Variants in CECR2 observed in about 807,000 individuals in gnomAD.
The protein encoded by CECR2 is chromatin remodeling regulator CECR2.
In CECR2, 30 loss-of-function variants were observed where a neutral mutation model predicts 154.5. That is an observed-to-expected ratio of 0.19 (90% CI 0.15 to 0.26). The LOEUF (loss-of-function observed/expected upper bound fraction) is 0.26. Among genes scored for constraint, CECR2 ranks in the 10% least tolerant of loss-of-function variants. CECR2 has a pLI of 1.00. For synonymous variants in CECR2, 725 were observed against 683.7 expected, an observed-to-expected ratio of 1.06 and a Z score of -0.94; for missense variants, 1,743 against 1,829.3, an observed-to-expected ratio of 0.95 and a Z score of 0.86.
chr22:17,367,914 C>T (rs2063011198), upstream of CECR2, among the ~76,000 whole-genome samples: 1 of 152,002 alleles, frequency 6.6e-6, no homozygotes, highest in Non-Finnish European at 1.5e-5. Context: ...CTCATTTTTG[C>T]CAAACATTAA....
intron 1 of CECR2, among the ~76,000 whole-genome samples, chr22:17,404,900 G>T (rs950274891): frequency 6.6e-6 from 1 of 152,118 alleles, no homozygotes; most frequent in Non-Finnish European, 1.5e-5. Context: ...ATTTAGATTG[G>T]AGTTGTATTG....
At chr22:17,507,226 A>G (rs2055863458) in intron 7 of CECR2, among the ~76,000 whole-genome samples, 2 of 152,294 alleles carry the variant, frequency 1.3e-5, no homozygotes, top group Non-Finnish European at 2.9e-5. Context: ...CCTAGAAATT[A>G]CCTTTCTCTA....
intron 16 of CECR2, among the ~76,000 whole-genome samples, chr22:17,547,728 A>G (rs934465710): frequency 1.3e-5 from 2 of 152,280 alleles, no homozygotes; most frequent in African/African-American, 4.8e-5. Flanking sequence ...AGCGCCCGTC[A>G]TGCCCTGTTC....
chr22:17,450,634 A>G (rs2054753470), intron 1 of CECR2, among the ~76,000 whole-genome samples: 1 of 152,224 alleles, frequency 6.6e-6, no homozygotes, highest in Non-Finnish European at 1.5e-5. Context: ...TTCCACAAAT[A>G]ATGTGTGCGT....
intron 2 of CECR2, among the ~76,000 whole-genome samples, chr22:17,489,567 G>A (rs975650888): frequency 2.6e-5 from 4 of 152,036 alleles, no homozygotes; most frequent in Admixed American, 6.6e-5. Flanking sequence ...ACAGTCCTCC[G>A]GCTTCAGCCT....
intron 16 of CECR2, among the ~76,000 whole-genome samples, chr22:17,546,460 T>C (rs1200351468): frequency 7.9e-6 from 1 of 127,150 alleles, no homozygotes; most frequent in Admixed American, 9.5e-5. Context: ...CACTCCAACC[T>C]GGGCGACAGA....
chr22:17,465,754 A>AT (rs2055021918), intron 1 of CECR2, among the ~76,000 whole-genome samples: 1 of 152,106 alleles, frequency 6.6e-6, no homozygotes, highest in Non-Finnish European at 1.5e-5. Flanking sequence ...AAGTGCCAGG[A>AT]TTACAGGCGT....
intron 1 of CECR2, among the ~76,000 whole-genome samples, chr22:17,397,374 C>T (rs1031366572): frequency 6.6e-6 from 1 of 152,160 alleles, no homozygotes; most frequent in Non-Finnish European, 1.5e-5. Context: ...TTAGGTGATC[C>T]ACCCGCCTTC....
At chr22:17,423,716 C>G (rs766086590) in intron 1 of CECR2, among the ~76,000 whole-genome samples, 4 of 152,088 alleles carry the variant, frequency 2.6e-5, no homozygotes, top group Non-Finnish European at 5.9e-5. Flanking sequence ...ATTTGTTCAC[C>G]CTGAGGCACT....
At chr22:17,413,644 C>T (rs1298299166) in intron 1 of CECR2, among the ~76,000 whole-genome samples, 5 of 151,808 alleles carry the variant, frequency 3.3e-5, no homozygotes, top group Non-Finnish European at 7.4e-5. Flanking sequence ...GTCCAAATTT[C>T]ATGTGCATTT....
chr22:17,503,805 G>A (rs1464855191), intron 6 of CECR2, among the ~76,000 whole-genome samples: 2 of 152,098 alleles, frequency 1.3e-5, no homozygotes, highest in Non-Finnish European at 2.9e-5. Flanking sequence ...CCAGCACTTT[G>A]GGAGGTCGAG....
chr22:17,481,042 T>C (rs1218535747), intron 2 of CECR2, among the ~76,000 whole-genome samples: 1 of 81,432 alleles, frequency 1.2e-5, no homozygotes, highest in Admixed American at 1.2e-4. Flanking sequence ...TCCATCTCTT[T>C]TTTTTTTAAA....
intron 1 of CECR2, among the ~76,000 whole-genome samples, chr22:17,378,204 G>C (rs12160716): frequency 0.015 from 2,229 of 147,068 alleles, 49 homozygotes; most frequent in African/African-American, 0.048. Flanking sequence ...AGGATGGTCT[G>C]GATCTCCTAA....
At chr22:17,433,653 C>T (rs2054460542) in intron 1 of CECR2, among the ~76,000 whole-genome samples, 1 of 152,092 alleles carries the variant, frequency 6.6e-6, no homozygotes, top group Admixed American at 6.5e-5. Context: ...TCTGTGTTCC[C>T]CAGGGGTGGT....
intron 7 of CECR2, among the ~76,000 whole-genome samples, chr22:17,508,467 T>A (rs1325768169): frequency 6.6e-6 from 1 of 152,142 alleles, no homozygotes; most frequent in Non-Finnish European, 1.5e-5. Flanking sequence ...TTTACCATTG[T>A]GTGTCTGGGA....
At chr22:17,543,116 T>G in intron 16 of CECR2, 113 bp downstream of exon 16, 4 of 1,291,840 alleles carry the variant, frequency 3.1e-6, no homozygotes, top group Non-Finnish European at 4.2e-6. Flanking sequence ...TCTTTGTTTA[T>G]TTTTTGGTTT....
chr22:17,546,343 C>CG (rs2056613540), intron 16 of CECR2, among the ~76,000 whole-genome samples: 1 of 151,740 alleles, frequency 6.6e-6, no homozygotes, highest in Non-Finnish European at 1.5e-5. Context: ...AAAAATTAGC[C>CG]AGCATGGTGT....
At chr22:17,421,546 C>T (rs1000271219) in intron 1 of CECR2, among the ~76,000 whole-genome samples, 4 of 130,374 alleles carry the variant, frequency 3.1e-5, no homozygotes, top group African/African-American at 5.7e-5. Flanking sequence ...ACCCGGGAGG[C>T]GGAGCTTGCA....
intron 7 of CECR2, among the ~76,000 whole-genome samples, chr22:17,510,357 T>G (rs570400283): frequency 6.6e-6 from 1 of 152,168 alleles, no homozygotes; most frequent in South Asian, 2.1e-4. Context: ...GCTATCTCAG[T>G]GCTTTGGGAG....
Sources: allele counts gnomAD v4.1 joint callset (sites outside exome capture counted in the v4.1 genomes callset), GRCh38; gene constraint gnomAD v4.1.1; transcripts MANE v1.5; gene names NCBI Gene and HGNC (gene_info 2026-07-23, HGNC 2026-07-21).